The following DLG5 variants were observed in gnomAD, a reference collection of about 807,000 sequenced individuals.
The protein encoded by DLG5 is disks large homolog 5.
A neutral mutation model predicts 189.8 loss-of-function variants in DLG5; 48 were observed. The observed-to-expected ratio is 0.25, with a 90% CI of 0.20 to 0.32. DLG5 has a LOEUF of 0.32. Ranked by LOEUF, DLG5 falls within the 10% of genes least tolerant of loss-of-function variation. The pLI, the probability that DLG5 is intolerant of heterozygous loss-of-function variation, is 1.00. For missense variants in DLG5, 2,160 were observed against 2,544.7 expected (o/e 0.85, Z 3.25); for synonymous variants, 1,016 against 1,054.1 (o/e 0.96, Z 0.70).
chr10:77,858,305 A>G (rs919305119), intron 2 of DLG5, among the ~76,000 whole-genome samples: 5 of 152,038 alleles, frequency 3.3e-5, no homozygotes, highest in Admixed American at 3.3e-4. Context: ...AGAAATATGT[A>G]TTAAAAAAAA....
At position 77,817,830 on chromosome 10, in the gene DLG5, G is replaced by A; in HGVS notation, c.3731C>T (p.Ser1244Phe). 1 of 1,555,392 alleles carries A rather than the reference G, an allele frequency of 6.4e-7. No homozygotes were observed. The highest frequency in any genetic ancestry group is 8.7e-7 in the Non-Finnish European group (1 of 1,148,842). The change falls in exon 18 of 32, where the codon TCC (serine) becomes TTC (phenylalanine). Residue 1244 changes from serine to phenylalanine, a missense_variant. Physicochemically the swap from Ser to Phe is radical, Grantham distance 155 (BLOSUM62 -2). Coordinates refer to ENST00000372391, the MANE Select transcript of DLG5 (RefSeq NM_004747.4). ...GGACCCATGGGTGGCTCTCATCTCG[G>A]AGTAGTCGCTGCAGGTCCTGTGGCT... Reference protein sequence around the residue: ...DLSHRTCSDYSEMRATHGSNS... With the variant: ...DLSHRTCSDYFEMRATHGSNS...
At chr10:77,862,228 A>G (rs901398772) in intron 2 of DLG5, among the ~76,000 whole-genome samples, 2 of 152,086 alleles carry the variant, frequency 1.3e-5, no homozygotes, top group African/African-American at 4.8e-5. Context: ...ACTACTTCCC[A>G]GCAGAGCCCA....
intron 17 of DLG5, among the ~76,000 whole-genome samples, chr10:77,819,072 G>C (rs1408649353): frequency 1.3e-5 from 2 of 152,222 alleles, no homozygotes; most frequent in Admixed American, 1.3e-4. Flanking sequence ...GAGCACAGTG[G>C]CTGGGACATA....
rs369483554 is a variant in DLG5, at chr10:77,816,650, A to G, written c.3926T>C (p.Ile1309Thr). 7.4e-5 allele frequency: 120 copies of G among 1,613,938 alleles called. No homozygotes were observed. The highest frequency in any genetic ancestry group is 1.0e-4 in the Non-Finnish European group (118 of 1,179,980). The change falls in exon 20 of 32, where the codon ATC (isoleucine) becomes ACC (threonine). Residue 1309 changes from isoleucine to threonine, a missense_variant. By Grantham distance (89) the Ile-to-Thr change is moderately conservative. Transcript: ENST00000372391. The stretch of plus-strand genomic sequence containing the variant: ...CTGGCTACAAGAGGACAGGGTGTCG[A>G]TGTTCAGGGGTGACTGTGGAGGAGT... ...CSTPPQSPLN[I>T]DTLSSCSQSQ...
the DLG5 span, among the ~76,000 whole-genome samples, chr10:77,934,856 T>TG: frequency 9.1e-6 from 1 of 109,838 alleles, no homozygotes; most frequent in Middle Eastern, 4.3e-3. Flanking sequence ...TTTTTTGTTT[T>TG]TTTGTTTTTT....
intron 25 of DLG5, among the ~76,000 whole-genome samples, chr10:77,807,282 T>C (rs985473057): frequency 6.6e-6 from 1 of 152,162 alleles, no homozygotes; most frequent in East Asian, 1.9e-4. Context: ...GATGGAAATA[T>C]GTCATCTTCT....
At chr10:77,832,615 C>T (rs1186318959) in intron 9 of DLG5, among the ~76,000 whole-genome samples, 2 of 152,202 alleles carry the variant, frequency 1.3e-5, no homozygotes, top group Admixed American at 1.3e-4. Flanking sequence ...GCTTCCCAGG[C>T]AGCAACACAG....
At chr10:77,869,378 C>T in intron 1 of DLG5, 181 bp from the exon 2 acceptor site, 1 of 590,374 alleles carries the variant, frequency 1.7e-6, no homozygotes. Flanking sequence ...GTGTTTCTGC[C>T]AGGCCTCCCA....
intron 5 of DLG5, among the ~76,000 whole-genome samples, chr10:77,849,431 C>T (rs957263018): frequency 1.1e-4 from 16 of 152,244 alleles, no homozygotes; most frequent in Admixed American, 2.0e-4. Flanking sequence ...ATCCACTCCA[C>T]GCCTGATGAA....
intron 20 of DLG5, among the ~76,000 whole-genome samples, chr10:77,812,793 T>G (rs907163115): frequency 6.6e-6 from 1 of 152,012 alleles, no homozygotes; most frequent in African/African-American, 2.4e-5. Flanking sequence ...CAACAGAAAA[T>G]AATCCAGTTT....
At chr10:77,861,114 G>A (rs530340512) in intron 2 of DLG5, among the ~76,000 whole-genome samples, 1 of 152,090 alleles carries the variant, frequency 6.6e-6, no homozygotes, top group Non-Finnish European at 1.5e-5. Context: ...TCTCTGTAAT[G>A]TCACACACCC....
At chr10:77,829,120 G>T in intron 12 of DLG5, 135 bp from the exon 13 acceptor site, 2 of 1,059,090 alleles carry the variant, frequency 1.9e-6, no homozygotes, top group Admixed American at 2.4e-5. Context: ...CCTGCACCCT[G>T]CCCCAGTCCC....
At position 77,821,161 on chromosome 10, in the gene DLG5, T is replaced by C. The variant is rs1483276539; in HGVS notation, c.3323A>G (p.Gln1108Arg). The C allele has an allele frequency of 1.9e-6, 3 of 1,614,184 alleles. No individual in the cohort carries two copies. Among genetic ancestry groups the C allele is most frequent in the South Asian group, 2.2e-5 (2 of 91,090 alleles). The change falls in exon 15 of 32, where the codon CAG becomes CGG. Residue 1108 changes from glutamine (Q) to arginine (R), a missense_variant. Coordinates refer to ENST00000372391, the MANE Select transcript of DLG5 (RefSeq NM_004747.4). Reference sequence around the variant, plus strand: ...AGCAGATTTTGGCCGGCGACGCTTCTGCCCCAGCTCATCCACCTTCTGGGA... The same window carrying C: ...AGCAGATTTTGGCCGGCGACGCTTCCGCCCCAGCTCATCCACCTTCTGGGA... Reference protein sequence around the residue: ...LTSQKVDELGQKRRRPKSAPS... With the variant: ...LTSQKVDELGRKRRRPKSAPS...
At chr10:77,834,134 A>C in intron 8 of DLG5, 95 bp from the exon 9 acceptor site, 2 of 1,457,920 alleles carry the variant, frequency 1.4e-6, no homozygotes. Context: ...CACTCCAAAT[A>C]CCTGCCGGCA....
At chr10:77,843,153 T>G (rs1843508251) in intron 6 of DLG5, among the ~76,000 whole-genome samples, 1 of 152,120 alleles carries the variant, frequency 6.6e-6, no homozygotes, top group Admixed American at 6.6e-5. Context: ...TTATTAAGTA[T>G]TGTGCAGAGC....
At position 77,812,326 on chromosome 10, in the gene DLG5, C is replaced by A. The variant is rs529944384; in HGVS notation, c.4077G>T (p.Pro1359=). ...RHVKVQKGSE[P]LGISIVSGEK... ...CTCCACTCACGATGGAGATGCCCAG[C>A]GGCTCTGAGCCCTTCTGCACCTTCA... is the stretch of plus-strand genomic sequence containing the variant. The change falls in exon 21 of 32, where the codon CCG becomes CCT. Residue 1359 remains proline (P), a synonymous_variant. Coordinates refer to ENST00000372391, the MANE Select transcript of DLG5 (RefSeq NM_004747.4). The A allele has an allele frequency of 3.7e-6, 6 of 1,614,028 alleles. No homozygotes were observed. Among genetic ancestry groups the A allele is most frequent in the African/African-American group, 2.7e-5 (2 of 74,942 alleles).
At chr10:77,876,712 A>T (rs1190451839) in intron 1 of DLG5, among the ~76,000 whole-genome samples, 1 of 37,776 alleles carries the variant, frequency 2.6e-5, no homozygotes, top group Non-Finnish European at 4.9e-5. Context: ...GAAGGAAGGG[A>T]GGGAGGGAGG....
chr10:77,869,157 T>A lies in DLG5; in HGVS notation c.345A>T (p.Ser115=). 6.2e-7 allele frequency: 1 copy of A among 1,613,898 alleles called. No individual in the cohort carries two copies. Among genetic ancestry groups the A allele is most frequent in the Non-Finnish European group, 8.5e-7 (1 of 1,179,936 alleles). Residue 115 remains serine, a synonymous_variant, in exon 2 of 32, where the codon TCA becomes TCT. Transcript: ENST00000372391. The part of the protein sequence containing the change: ...YSVLSTMPSD[S]ESSSSLSSVG... ...CACTGCTGAGGGAGCTGCTGCTTTC[T>A]GAGTCTGAGGGCATGGTGGACAGGA...
chr10:77,895,463 T>C (rs752277609), intron 1 of DLG5, among the ~76,000 whole-genome samples: 3 of 152,158 alleles, frequency 2.0e-5, no homozygotes, highest in Non-Finnish European at 2.9e-5. Flanking sequence ...GTAACACTCC[T>C]GGCAATGGTA....
Sources: gnomAD v4.1 joint callset for allele counts (sites outside exome capture counted in the v4.1 genomes callset) on GRCh38, gnomAD v4.1.1 for gene constraint, MANE v1.5 for transcripts, NCBI Gene and HGNC (gene_info 2026-07-23, HGNC 2026-07-21) for gene names.